The following ARB2A variants were observed in gnomAD, a reference collection of about 807,000 sequenced individuals.
ARB2A encodes the protein cotranscriptional regulator ARB2A.
the ARB2A span, among the ~76,000 whole-genome samples, chr5:93,882,766 T>A: frequency 8.6e-4 from 131 of 151,532 alleles, no homozygotes; most frequent in East Asian, 0.025. Context: ...TTAAAAGATG[T>A]ATGATATTAT....
chr5:94,090,370 AT>A, the ARB2A span, among the ~76,000 whole-genome samples: 2 of 152,172 alleles, frequency 1.3e-5, no homozygotes, highest in East Asian at 3.8e-4. Flanking sequence ...CTGCACATTG[AT>A]TTTGTATCCT....
At chr5:93,888,150 C>T in the ARB2A span, among the ~76,000 whole-genome samples, 1 of 151,832 alleles carries the variant, frequency 6.6e-6, no homozygotes, top group African/African-American at 2.4e-5. Context: ...TTAAATCTTG[C>T]AAATTTCTCT....
chr5:93,626,515 T>C, the ARB2A span, among the ~76,000 whole-genome samples: 1 of 152,232 alleles, frequency 6.6e-6, no homozygotes, highest in African/African-American at 2.4e-5. Flanking sequence ...TATCGTGGGT[T>C]TGGTTACAGA....
At chr5:94,045,962 G>T in the ARB2A span, among the ~76,000 whole-genome samples, 1 of 152,162 alleles carries the variant, frequency 6.6e-6, no homozygotes, top group East Asian at 1.9e-4. Flanking sequence ...GAGAAAGATT[G>T]TAACAGAAGA....
the ARB2A span, among the ~76,000 whole-genome samples, chr5:93,800,902 G>C: frequency 6.6e-6 from 1 of 152,066 alleles, no homozygotes; most frequent in African/African-American, 2.4e-5. Flanking sequence ...AATAGAGAAT[G>C]AAATGCAATC....
At chr5:93,875,287 A>G in the ARB2A span, among the ~76,000 whole-genome samples, 2 of 152,008 alleles carry the variant, frequency 1.3e-5, no homozygotes, top group East Asian at 1.9e-4. Context: ...GGTGGAGCAC[A>G]GTGGCGTGAT....
chr5:94,038,694 G>A, the ARB2A span, among the ~76,000 whole-genome samples: 1 of 151,794 alleles, frequency 6.6e-6, no homozygotes, highest in Admixed American at 6.6e-5. Flanking sequence ...CCTACTGAAT[G>A]ACTGCTATAA....
the ARB2A span, among the ~76,000 whole-genome samples, chr5:94,057,963 A>G: frequency 6.6e-6 from 1 of 152,138 alleles, no homozygotes; most frequent in Non-Finnish European, 1.5e-5. Flanking sequence ...AGAAAGAGAG[A>G]CTGCTGGGCA....
the ARB2A span, chr5:93,741,287 G>A: frequency 1.2e-6 from 2 of 1,613,598 alleles, no homozygotes; most frequent in Non-Finnish European, 1.7e-6. Context: ...GAGGGGCGTC[G>A]CAACCAGTCC....
At chr5:93,720,537 C>T in the ARB2A span, among the ~76,000 whole-genome samples, 1 of 152,104 alleles carries the variant, frequency 6.6e-6, no homozygotes, top group Non-Finnish European at 1.5e-5. Context: ...GAACATTTAC[C>T]ACCAACTGTG....
the ARB2A span, among the ~76,000 whole-genome samples, chr5:93,665,405 C>T: frequency 2.6e-5 from 4 of 152,140 alleles, no homozygotes; most frequent in East Asian, 1.9e-4. Flanking sequence ...TTTACATCTA[C>T]CTTAATTGAT....
chr5:93,848,109 G>T, the ARB2A span, among the ~76,000 whole-genome samples: 1 of 152,148 alleles, frequency 6.6e-6, no homozygotes, highest in East Asian at 1.9e-4. Context: ...ATGGTGCCAG[G>T]TACAGTGGCT....
the ARB2A span, among the ~76,000 whole-genome samples, chr5:93,793,765 A>G: frequency 6.6e-6 from 1 of 152,196 alleles, no homozygotes; most frequent in Non-Finnish European, 1.5e-5. Flanking sequence ...CGTTACAATC[A>G]ACATCTGAAG....
At chr5:93,948,750 CATTT>C in the ARB2A span, among the ~76,000 whole-genome samples, 2 of 152,184 alleles carry the variant, frequency 1.3e-5, no homozygotes, top group Non-Finnish European at 2.9e-5. Flanking sequence ...TTCCCAGCAC[CATTT>C]ATTAAATAGG....
the ARB2A span, among the ~76,000 whole-genome samples, chr5:94,032,363 C>A: frequency 6.6e-6 from 1 of 152,068 alleles, no homozygotes; most frequent in East Asian, 1.9e-4. Flanking sequence ...ATGGCAAGAG[C>A]CAGAGCCAGA....
chr5:94,045,124 A>C, the ARB2A span, among the ~76,000 whole-genome samples: 3 of 150,342 alleles, frequency 2.0e-5, no homozygotes, highest in Non-Finnish European at 3.0e-5. Flanking sequence ...TCTCAAAAAA[A>C]AAAAAAAAAA....
the ARB2A span, among the ~76,000 whole-genome samples, chr5:93,801,542 AAT>A: frequency 2.6e-4 from 39 of 152,260 alleles, no homozygotes; most frequent in South Asian, 2.7e-3. Context: ...AATTATTAAA[AAT>A]ATATGTTTTA....
the ARB2A span, among the ~76,000 whole-genome samples, chr5:93,940,315 A>G: frequency 6.6e-6 from 1 of 152,030 alleles, no homozygotes; most frequent in Non-Finnish European, 1.5e-5. Context: ...TTTAGTCATG[A>G]TTTGTTTTCT....
At chr5:94,016,491 T>C in the ARB2A span, among the ~76,000 whole-genome samples, 725 of 152,350 alleles carry the variant, frequency 4.8e-3, 3 homozygotes, top group South Asian at 8.7e-3. Context: ...TTTAGTCTCA[T>C]AGACTTCTTA....
Sources: allele counts gnomAD v4.1 joint callset (sites outside exome capture counted in the v4.1 genomes callset), GRCh38; gene constraint gnomAD v4.1.1; transcripts MANE v1.5; gene names NCBI Gene and HGNC (gene_info 2026-07-23, HGNC 2026-07-21).